The following ITPR1 variants were observed in gnomAD, a reference collection of about 807,000 sequenced individuals.
ITPR1 encodes the protein inositol 1,4,5-trisphosphate receptor type 1.
Under a neutral mutation model 318.4 loss-of-function variants are expected in ITPR1, and 96 were observed. That is an observed-to-expected ratio of 0.30 (90% CI 0.26 to 0.36). The LOEUF (loss-of-function observed/expected upper bound fraction) is 0.36. Among genes scored for constraint, ITPR1 ranks in the 10% least tolerant of loss-of-function variants. The pLI, the probability that ITPR1 is intolerant of heterozygous loss-of-function variation, is 1.00. For missense variants in ITPR1, 2,440 were observed against 3,460.2 expected (o/e 0.71, Z 7.40); for synonymous variants, 1,312 against 1,289.9 (o/e 1.02, Z -0.37).
intron 4 of ITPR1, among the ~76,000 whole-genome samples, chr3:4,613,460 T>C (rs1031119408): frequency 2.0e-5 from 3 of 152,160 alleles, no homozygotes; most frequent in South Asian, 2.1e-4. Context: ...GAAGAGGGAA[T>C]TGGGGGGAAC....
chr3:4,843,058 T>TTCA lies in ITPR1; in HGVS notation c.8191-3080_8191-3078dup, dbSNP rs1444738386. ...GTTTCTTATAGGTCAGATTTAGTCCTTCAGGGTTTTGAGGGGTTTTTTTTT... is the reference window on the plus strand; with the variant it reads ...GTTTCTTATAGGTCAGATTTAGTCCTTCATCAGGGTTTTGAGGGGTTTTTTTTT... On this transcript the variant is annotated intron_variant, in intron 61 of 61. Transcript: ENST00000649015. Among the ~76,000 whole-genome samples the TTCA allele has an allele frequency of 2.7e-5, 4 of 150,036 alleles. No homozygotes were observed. In the South Asian group the frequency reaches 8.4e-4, roughly 32 times the overall value.
chr3:4,737,430 C>T (rs1007357718), intron 44 of ITPR1, among the ~76,000 whole-genome samples: 1 of 152,138 alleles, frequency 6.6e-6, no homozygotes, highest in Non-Finnish European at 1.5e-5. Flanking sequence ...TGGGCATGGA[C>T]CTGGGGCATA....
intron 12 of ITPR1, among the ~76,000 whole-genome samples, chr3:4,657,712 C>A (rs1343483256): frequency 0.047 from 3 of 64 alleles, no homozygotes; most frequent in Non-Finnish European, 0.079. Flanking sequence ...GATCTGCCTG[C>A]CTTGGCCCTC....
intron 5 of ITPR1, among the ~76,000 whole-genome samples, chr3:4,635,891 CTT>C (rs879690224): frequency 2.7e-5 from 4 of 145,554 alleles, no homozygotes. Context: ...TGTTTGCTTG[CTT>C]TTTTTTTTTG....
intron 4 of ITPR1, among the ~76,000 whole-genome samples, chr3:4,623,592 C>T (rs909946185): frequency 2.6e-5 from 4 of 152,162 alleles, no homozygotes; most frequent in Admixed American, 6.5e-5. Context: ...TGTATTTGTA[C>T]ATTTCTATAC....
chr3:4,766,690 A>C lies in ITPR1; in HGVS notation c.5705A>C (p.Asp1902Ala). ...AAGAAAGACGATGAGGTAGACAGGG[A>C]TGCCCCATCACGGAAAAAAGGTAAA... The part of the protein sequence containing the change: ...NKKKDDEVDR[D>A]APSRKKAKEP... Residue 1902 changes from aspartate to alanine, a missense_variant, in exon 45 of 62, where the codon GAT becomes GCT. By Grantham distance (126) the Asp-to-Ala change is moderately radical (BLOSUM62 -2). Coordinates refer to ENST00000649015, the MANE Select transcript of ITPR1 (RefSeq NM_001378452.1). The C allele has an allele frequency of 6.2e-7, 1 of 1,604,824 alleles. No homozygotes were observed. The highest frequency in any genetic ancestry group is 8.5e-7 in the Non-Finnish European group (1 of 1,175,008).
In ITPR1 at chr3:4,779,702, G is replaced by A; in HGVS notation, c.6387+57G>A. On this transcript the variant is annotated intron_variant, in intron 49 of 61. Coordinates refer to ENST00000649015, the MANE Select transcript of ITPR1 (RefSeq NM_001378452.1). The surrounding 1 kb of genome is among the most constrained non-coding windows in gnomAD (Gnocchi z 4.0). Reference sequence around the variant, plus strand: ...CAAGGAGCATTGCGACGATATTTGGGACAGAGCAGAGGATCTGCTTCCTGG... The same window carrying A: ...CAAGGAGCATTGCGACGATATTTGGAACAGAGCAGAGGATCTGCTTCCTGG... The A allele has an allele frequency of 2.4e-6, 3 of 1,238,822 alleles. No individual in the cohort carries two copies. In the South Asian group the frequency reaches 3.6e-5, roughly 15 times the overall value. The allele number at this position is 1,238,822 out of a possible 1,614,324, so 76.7% of individuals were successfully genotyped here.
At chr3:4,704,135 G>A (rs1220160671) in intron 36 of ITPR1, among the ~76,000 whole-genome samples, 3 of 152,176 alleles carry the variant, frequency 2.0e-5, no homozygotes, top group African/African-American at 4.8e-5. Flanking sequence ...GTTGGAGGCC[G>A]GGCGCAGTGG....
At chr3:4,761,762 G>A (rs570460764) in intron 44 of ITPR1, among the ~76,000 whole-genome samples, 68 of 152,316 alleles carry the variant, frequency 4.5e-4, no homozygotes, top group Non-Finnish European at 7.1e-4. Flanking sequence ...AGCCTGGGGC[G>A]GGGAGGCTGT....
At chr3:4,638,991 G>A (rs186959436) in intron 5 of ITPR1, among the ~76,000 whole-genome samples, 1 of 152,088 alleles carries the variant, frequency 6.6e-6, no homozygotes, top group African/African-American at 2.4e-5. Context: ...CCCAAATCCA[G>A]CATTTAAATT....
chr3:4,801,743 G>A (rs1015282537), intron 54 of ITPR1, among the ~76,000 whole-genome samples: 14 of 152,018 alleles, frequency 9.2e-5, no homozygotes, highest in Non-Finnish European at 1.9e-4. Flanking sequence ...CAGCCTGGGT[G>A]ACAAAGGGAG....
chr3:4,703,083 G>A, intron 36 of ITPR1, 133 bp downstream of exon 36: 1 of 967,622 alleles, frequency 1.0e-6, no homozygotes, highest in Non-Finnish European at 1.5e-6. Context: ...GCCAGACCCG[G>A]AACCAAGGTC....
At chr3:4,815,001 G>T in intron 58 of ITPR1, 52 bp from the exon 59 acceptor site, 1 of 1,502,090 alleles carries the variant, frequency 6.7e-7, no homozygotes, top group South Asian at 1.3e-5. Flanking sequence ...AGGCTCCGCA[G>T]ACCAAAGGGT....
intron 44 of ITPR1, among the ~76,000 whole-genome samples, chr3:4,753,331 G>C (rs1299041954): frequency 6.6e-6 from 1 of 152,148 alleles, no homozygotes; most frequent in African/African-American, 2.4e-5. Context: ...GCTTGGGCCT[G>C]TCCCCTGCTT....
chr3:4,779,269 A>G lies in ITPR1; in HGVS notation c.6292-281A>G, dbSNP rs1051174351. 6.6e-6 allele frequency among the ~76,000 whole-genome samples: 1 copy of G among 152,240 alleles called. No homozygotes were observed. Among genetic ancestry groups the G allele is most frequent in the Admixed American group, 6.5e-5 (1 of 15,292 alleles). ...CACGTGTAAATTCCCAATTTCTTCT[A>G]GGACTTGTACCAGCTAACATTAGGG... is the stretch of plus-strand genomic sequence containing the variant. On this transcript the variant is annotated intron_variant, in intron 48 of 61. Coordinates refer to ENST00000649015, the MANE Select transcript of ITPR1 (RefSeq NM_001378452.1). The surrounding 1 kb of genome is among the most constrained non-coding windows in gnomAD (Gnocchi z 4.0).
rs185113449 is a variant in ITPR1, at chr3:4,748,790, G to A, written c.5544+13436G>A. On this transcript the variant is annotated intron_variant, in intron 44 of 61. Coordinates refer to ENST00000649015, the MANE Select transcript of ITPR1 (RefSeq NM_001378452.1). ...GAACGCGGTGTTTTAACACTCCCTC[G>A]GTTATCAGCTGCAGAGCGGAGGTTG... Among the ~76,000 whole-genome samples, 13 of 152,272 alleles carry A rather than the reference G, an allele frequency of 8.5e-5. No individual in the cohort carries two copies. The East Asian group carries it at 1.9e-3, about 23-fold the overall frequency.
At chr3:4,689,849 G>A (rs9828130) in intron 31 of ITPR1, among the ~76,000 whole-genome samples, 65,743 of 152,054 alleles carry the variant, frequency 0.43, 15,600 homozygotes, top group Non-Finnish European at 0.56. Flanking sequence ...CTGTTTGTCC[G>A]CTGACACCAT....
chr3:4,795,088 G>GC lies in ITPR1; in HGVS notation c.6835dup (p.Arg2279ProfsTer12). ...AGCCCAGCCCGTGTTGTACTGGTGTGCCCGCAACATGTCTTTCTGGAGCAG... is the reference window on the plus strand; with the variant it reads ...AGCCCAGCCCGTGTTGTACTGGTGTGCCCCGCAACATGTCTTTCTGGAGCAG... On this transcript the variant is annotated frameshift_variant, in exon 53 of 62. Coordinates refer to ENST00000649015, the MANE Select transcript of ITPR1 (RefSeq NM_001378452.1). LOFTEE classifies it high-confidence loss of function. 6.2e-7 allele frequency: 1 copy of GC among 1,613,700 alleles called. No homozygotes were observed. The highest frequency in any genetic ancestry group is 8.5e-7 in the Non-Finnish European group (1 of 1,179,708).
chr3:4,557,114 T>C (rs1329618590), intron 4 of ITPR1, among the ~76,000 whole-genome samples: 2 of 152,322 alleles, frequency 1.3e-5, no homozygotes, highest in Non-Finnish European at 2.9e-5. Context: ...TGTGTATTAG[T>C]CTGTTCTCAC....
Sources: allele counts gnomAD v4.1 joint callset (sites outside exome capture counted in the v4.1 genomes callset), GRCh38; gene constraint gnomAD v4.1.1; non-coding constraint Gnocchi (gnomAD v3.1); transcripts MANE v1.5; gene names NCBI Gene and HGNC (gene_info 2026-07-23, HGNC 2026-07-21).